Variants in KIAA1549L observed in about 807,000 individuals in gnomAD.
KIAA1549L encodes the protein KIAA1549 like.
KIAA1549L carries 88 observed loss-of-function variants against 160.7 expected under a neutral mutation model. That is an observed-to-expected ratio of 0.55 (90% CI 0.46 to 0.65). The LOEUF (loss-of-function observed/expected upper bound fraction) is 0.65. Ranked by LOEUF, KIAA1549L falls within the 30% of genes least tolerant of loss-of-function variation. The pLI is 0.00. For synonymous variants in KIAA1549L, 950 were observed against 976.7 expected (o/e 0.97, Z 0.51); for missense variants, 2,258 against 2,437.5 (o/e 0.93, Z 1.55).
chr11:33,521,473 C>T (rs1168797219), intron 1 of KIAA1549L, among the ~76,000 whole-genome samples: 3 of 152,218 alleles, frequency 2.0e-5, no homozygotes, highest in African/African-American at 7.2e-5. Flanking sequence ...AATGTGTTCA[C>T]ATTTGCAAAC....
chr11:33,416,180 C>A (rs189386563), intron 1 of KIAA1549L, among the ~76,000 whole-genome samples: 29 of 152,260 alleles, frequency 1.9e-4, no homozygotes, highest in Admixed American at 1.1e-3. Context: ...TGATGTGTCA[C>A]CGCCTTCTTG....
Position 33,441,167 on chromosome 11 carries a change from G to A in KIAA1549L, c.238+64278G>A, listed in dbSNP as rs539202847. Among the ~76,000 whole-genome samples, 24 of 150,794 alleles carry A rather than the reference G, an allele frequency of 1.6e-4. 1 individual carries two copies. The highest frequency in any genetic ancestry group is 6.3e-4 in the South Asian group (3 of 4,770). On this transcript the variant is annotated intron_variant, in intron 1 of 20. Coordinates refer to ENST00000658780, the MANE Select transcript of KIAA1549L (RefSeq NM_012194.3). ...TTACCACCTATGAGTGAGAACATGCGGTGCTTGGTTTTTTGTCCTTGCGAT... is the reference window on the plus strand; with the variant it reads ...TTACCACCTATGAGTGAGAACATGCAGTGCTTGGTTTTTTGTCCTTGCGAT...
chr11:33,562,056 G>A (rs1332963963), intron 8 of KIAA1549L, among the ~76,000 whole-genome samples: 3 of 152,180 alleles, frequency 2.0e-5, no homozygotes, highest in Non-Finnish European at 4.4e-5. Context: ...GTTTATAGAT[G>A]GAAAGCCTTT....
chr11:33,462,569 C>T (rs1254268383), intron 1 of KIAA1549L, among the ~76,000 whole-genome samples: 1 of 152,090 alleles, frequency 6.6e-6, no homozygotes, highest in Admixed American at 6.5e-5. Context: ...CTGTCACTGC[C>T]GGGAAGCTTG....
At position 33,543,600 on chromosome 11, in the gene KIAA1549L, T is replaced by G; in HGVS notation, c.2037T>G (p.Tyr679Ter). ...CATCGCCCTCCTCCATGGATGTATA[T>G]GATTCCTTAACAATAGGAGACATGA... Reference protein sequence around the residue: ...VRASPSSMDVYDSLTIGDMKK... With the variant: ...VRASPSSMDV The change falls in exon 2 of 21, where the codon TAT becomes TAG. Residue 679 changes from tyrosine to a stop codon, truncating the protein, a stop_gained. Coordinates refer to ENST00000658780, the MANE Select transcript of KIAA1549L (RefSeq NM_012194.3). LOFTEE classifies it high-confidence loss of function. 3.7e-6 allele frequency: 6 copies of G among 1,613,990 alleles called. No homozygotes were observed. Among genetic ancestry groups the G allele is most frequent in the Non-Finnish European group, 5.1e-6 (6 of 1,179,860 alleles).
Position 33,641,294 on chromosome 11 carries a change from A to G in KIAA1549L, c.5410-4392A>G, listed in dbSNP as rs908439204. Among the ~76,000 whole-genome samples, 3 of 152,158 alleles carry G rather than the reference A, an allele frequency of 2.0e-5. No homozygotes were observed. In the East Asian group the frequency reaches 5.8e-4, roughly 29 times the overall value. ...GGGGGCTGTGAATACAATGATTATA[A>G]GACACTGACCCAACCCTGAAGGAGT... On this transcript the variant is annotated intron_variant, in intron 16 of 20. Transcript: ENST00000658780.
intron 17 of KIAA1549L, among the ~76,000 whole-genome samples, chr11:33,646,970 A>T (rs1305966871): frequency 6.6e-6 from 1 of 152,164 alleles, no homozygotes; most frequent in Non-Finnish European, 1.5e-5. Flanking sequence ...TAACTTGGGG[A>T]AATTGTTTAA....
In KIAA1549L at chr11:33,545,279, G is replaced by A. The variant is rs910092749; in HGVS notation, c.3286G>A (p.Asp1096Asn). Residue 1096 changes from aspartate to asparagine, a missense_variant, in exon 3 of 21, where the codon GAT (aspartate) becomes AAT (asparagine). Asp to Asn is a conservative substitution (Grantham distance 23). Around this residue, in one of 6 missense-constraint regions of KIAA1549L, gnomAD observed 1,359 missense variants for 1,546.6 expected, o/e 0.88. Transcript: ENST00000658780. ...RLPPLRAENTDAVLPAASAAV... is the reference protein window; with the variant it reads ...RLPPLRAENTNAVLPAASAAV... ...GCCACCATTGCGAGCAGAAAACACAGATGCTGTCCTTCCTGCTGCATCGGC... is the reference window on the plus strand; with the variant it reads ...GCCACCATTGCGAGCAGAAAACACAAATGCTGTCCTTCCTGCTGCATCGGC... 1.2e-6 allele frequency: 2 copies of A among 1,613,994 alleles called. No homozygotes were observed. The highest frequency in any genetic ancestry group is 1.3e-5 in the African/African-American group (1 of 75,054).
intron 1 of KIAA1549L, among the ~76,000 whole-genome samples, chr11:33,482,679 C>T (rs1234654551): frequency 1.3e-5 from 2 of 150,912 alleles, no homozygotes; most frequent in South Asian, 2.1e-4. Context: ...CAGTGATTCT[C>T]CTGCCTCAGC....
intron 1 of KIAA1549L, among the ~76,000 whole-genome samples, chr11:33,454,492 A>C (rs1159993044): frequency 1.3e-5 from 2 of 152,166 alleles, no homozygotes; most frequent in Admixed American, 6.5e-5. Context: ...AGTCCCACTG[A>C]GCTCAGTGAC....
In KIAA1549L at chr11:33,660,898, G is replaced by A; in HGVS notation, c.6043G>A (p.Ala2015Thr). 6.2e-7 allele frequency: 1 copy of A among 1,613,782 alleles called. No homozygotes were observed. Residue 2015 changes from alanine to threonine, a missense_variant, in exon 20 of 21, where the codon GCC becomes ACC. Ala to Thr is a moderately conservative substitution (Grantham distance 58). Coordinates refer to ENST00000658780, the MANE Select transcript of KIAA1549L (RefSeq NM_012194.3). ...TVPAVFAIPA[A>T]NRPGFTGYFI... is the part of the protein sequence containing the mutation. ...GCCAGCAGTGTTCGCCATCCCAGCT[G>A]CCAACAGACCTGGCTTCACCGGCTA...
At chr11:33,398,572 G>A (rs1184033131) in intron 1 of KIAA1549L, among the ~76,000 whole-genome samples, 2 of 152,128 alleles carry the variant, frequency 1.3e-5, no homozygotes, top group Non-Finnish European at 2.9e-5. Context: ...CAAGCAAGCA[G>A]AGAAACAAAG....
intron 1 of KIAA1549L, among the ~76,000 whole-genome samples, chr11:33,420,235 G>GTT (rs35430385): frequency 1.5e-4 from 7 of 46,262 alleles, no homozygotes; most frequent in Admixed American, 2.6e-4. Context: ...TTTTTTTTTT[G>GTT]TTTTTTTTTT....
In KIAA1549L at chr11:33,542,598, G is replaced by A. The variant is rs1274293528; in HGVS notation, c.1035G>A (p.Leu345=). 3.7e-6 allele frequency: 6 copies of A among 1,613,828 alleles called. No individual in the cohort carries two copies. Residue 345 remains leucine (L), a synonymous_variant, in exon 2 of 21, where the codon TTG becomes TTA. Coordinates refer to ENST00000658780, the MANE Select transcript of KIAA1549L (RefSeq NM_012194.3). ...CAGGTTCATCCACACCTGGGTTTTT[G>A]AGCCCCATGGCAGAACTGTCCCATC... is the stretch of plus-strand genomic sequence containing the variant. The part of the protein sequence containing the change: ...HSAGSSTPGF[L]SPMAELSHPS...
At chr11:33,641,247 C>A (rs959393290) in intron 16 of KIAA1549L, among the ~76,000 whole-genome samples, 4 of 152,140 alleles carry the variant, frequency 2.6e-5, no homozygotes, top group Non-Finnish European at 4.4e-5. Context: ...TACAGCTTCA[C>A]CTCTGGGGAA....
rs569610789 is a variant in KIAA1549L, at chr11:33,515,914, C to T, written c.239-25888C>T. Among the ~76,000 whole-genome samples, 4 of 152,326 alleles carry T rather than the reference C, an allele frequency of 2.6e-5. No individual in the cohort carries two copies. The South Asian group carries it at 8.3e-4, about 32-fold the overall frequency. ...ACTCAAGCATTATTGGTCCTAGCTT[C>T]ATCTGAAATTGAATGCAGTTGGACC... On this transcript the variant is annotated intron_variant, in intron 1 of 20. Transcript: ENST00000658780.
intron 17 of KIAA1549L, among the ~76,000 whole-genome samples, chr11:33,646,395 A>G (rs1851725104): frequency 6.6e-6 from 1 of 152,194 alleles, no homozygotes; most frequent in South Asian, 2.1e-4. Flanking sequence ...TCAGAGCCAC[A>G]TGCTAAGGGG....
chr11:33,645,162 C>A (rs11032327), intron 16 of KIAA1549L, among the ~76,000 whole-genome samples: 1 of 152,124 alleles, frequency 6.6e-6, no homozygotes, highest in Non-Finnish European at 1.5e-5. Flanking sequence ...CTTCTGATTG[C>A]GTACCACGCT....
intron 8 of KIAA1549L, among the ~76,000 whole-genome samples, chr11:33,562,281 T>A (rs1854888085): frequency 6.6e-6 from 1 of 152,204 alleles, no homozygotes; most frequent in South Asian, 2.1e-4. Context: ...AGTTCTTCTT[T>A]GTGTTTTTCA....
Sources: allele counts gnomAD v4.1 joint callset (sites outside exome capture counted in the v4.1 genomes callset), GRCh38; gene constraint gnomAD v4.1.1; regional missense constraint gnomAD v4.1.1; transcripts MANE v1.5; gene names NCBI Gene and HGNC (gene_info 2026-07-23, HGNC 2026-07-21).